The following CSMD1 variants were observed in gnomAD, a reference collection of about 807,000 sequenced individuals.
The protein encoded by CSMD1 is CUB and Sushi multiple domains 1, also known as CUB and sushi domain-containing protein 1.
A neutral mutation model predicts 417.5 loss-of-function variants in CSMD1; 213 were observed. The observed-to-expected ratio is 0.51, with a 90% CI of 0.46 to 0.57. The LOEUF (loss-of-function observed/expected upper bound fraction) is 0.57. Among genes scored for constraint, CSMD1 ranks in the 20% least tolerant of loss-of-function variants. CSMD1 has a pLI of 0.00. For synonymous variants in CSMD1, 2,862 were observed against 1,736.8 expected (o/e 1.65, Z -16.11); for missense variants, 6,923 against 4,529.7 (o/e 1.53, Z -15.17).
At chr8:3,215,448 T>C (rs1468319800) in intron 29 of CSMD1, among the ~76,000 whole-genome samples, 1 of 152,214 alleles carries the variant, frequency 6.6e-6, no homozygotes, top group African/African-American at 2.4e-5. Context: ...TCTTGTTTAA[T>C]TCTAATCTCC....
At chr8:3,125,492 T>A (rs1019151243) in intron 41 of CSMD1, among the ~76,000 whole-genome samples, 2 of 152,180 alleles carry the variant, frequency 1.3e-5, no homozygotes, top group African/African-American at 4.8e-5. Flanking sequence ...GAAAAAAAGA[T>A]CACTTCAGTG....
chr8:4,952,457 T>C (rs1808818023), intron 1 of CSMD1, among the ~76,000 whole-genome samples: 1 of 152,090 alleles, frequency 6.6e-6, no homozygotes, highest in Admixed American at 6.6e-5. Flanking sequence ...TTCAATTACC[T>C]ATGTCTAAAA....
chr8:3,906,999 G>C (rs1386371306), intron 5 of CSMD1, among the ~76,000 whole-genome samples: 1 of 152,162 alleles, frequency 6.6e-6, no homozygotes. Context: ...TTGTAAGAAG[G>C]TCTTCATATT....
At position 4,739,760 on chromosome 8, in the gene CSMD1, A is replaced by T. The variant is rs374949389; in HGVS notation, c.86-102202T>A. Among the ~76,000 whole-genome samples the T allele has an allele frequency of 3.3e-5, 5 of 152,156 alleles. No homozygotes were observed. In the East Asian group the frequency reaches 7.8e-4, roughly 24 times the overall value. On this transcript the variant is annotated intron_variant, in intron 1 of 69. Transcript: ENST00000635120. Reference sequence around the variant, plus strand: ...TTGCTCCCTATCCCTTCCCACAAAGATTCTCCAGTCCCTCTCTTTGGAGTC... The same window carrying T: ...TTGCTCCCTATCCCTTCCCACAAAGTTTCTCCAGTCCCTCTCTTTGGAGTC...
At chr8:3,692,153 T>C (rs531326087) in intron 7 of CSMD1, among the ~76,000 whole-genome samples, 11 of 152,322 alleles carry the variant, frequency 7.2e-5, no homozygotes, top group African/African-American at 2.2e-4. Context: ...CAGCCGCTAA[T>C]GACCATGGCC....
intron 2 of CSMD1, among the ~76,000 whole-genome samples, chr8:4,531,848 T>C (rs551247587): frequency 5.3e-5 from 8 of 152,280 alleles, no homozygotes; most frequent in South Asian, 2.1e-4. Context: ...TGAAAAGAAA[T>C]CCTGCACCGC....
intron 4 of CSMD1, among the ~76,000 whole-genome samples, chr8:4,016,755 C>T (rs1796542156): frequency 6.6e-6 from 1 of 152,184 alleles, no homozygotes; most frequent in South Asian, 2.1e-4. Context: ...GGGTTAAGGG[C>T]TCTGTTGACC....
At chr8:3,479,050 T>C (rs1215384672) in intron 11 of CSMD1, among the ~76,000 whole-genome samples, 1 of 151,938 alleles carries the variant, frequency 6.6e-6, no homozygotes, top group East Asian at 2.0e-4. Context: ...GGGAAATCCT[T>C]CTGCCCCCTC....
At chr8:3,652,370 T>A (rs1418450146) in intron 7 of CSMD1, among the ~76,000 whole-genome samples, 3 of 152,226 alleles carry the variant, frequency 2.0e-5, no homozygotes, top group Non-Finnish European at 4.4e-5. Flanking sequence ...CTTACCACCA[T>A]CAGAGCGCTT....
chr8:4,724,639 G>C (rs1166122977), intron 1 of CSMD1, among the ~76,000 whole-genome samples: 3 of 151,722 alleles, frequency 2.0e-5, no homozygotes, highest in Non-Finnish European at 4.4e-5. Flanking sequence ...AAAAATAAAT[G>C]TAAGTTTCAC....
intron 26 of CSMD1, among the ~76,000 whole-genome samples, chr8:3,252,362 A>T (rs558309971): frequency 6.6e-6 from 1 of 152,162 alleles, no homozygotes; most frequent in Non-Finnish European, 1.5e-5. Context: ...GCTGGATTAC[A>T]TTTATTGATT....
chr8:4,069,585 T>G (rs751767329), intron 3 of CSMD1, among the ~76,000 whole-genome samples: 9 of 152,226 alleles, frequency 5.9e-5, no homozygotes, highest in Non-Finnish European at 1.2e-4. Context: ...AGATGTATCT[T>G]GGGCCAGTGG....
chr8:3,682,537 AAAC>A (rs1265562867), intron 7 of CSMD1, among the ~76,000 whole-genome samples: 7 of 152,312 alleles, frequency 4.6e-5, no homozygotes, highest in African/African-American at 1.4e-4. Context: ...AAAAGTCAGG[AAAC>A]AACAGGTGCT....
chr8:3,770,733 C>A (rs1265959810), intron 5 of CSMD1, among the ~76,000 whole-genome samples: 1 of 152,062 alleles, frequency 6.6e-6, no homozygotes, highest in African/African-American at 2.4e-5. Context: ...AGCTCTCTTT[C>A]CCTTCCATTG....
intron 3 of CSMD1, among the ~76,000 whole-genome samples, chr8:4,206,388 C>T (rs1229406184): frequency 6.6e-6 from 1 of 152,054 alleles, no homozygotes; most frequent in South Asian, 2.1e-4. Context: ...TATTCCCCAC[C>T]CTGTCTCCAA....
In CSMD1 at chr8:3,412,015, C is replaced by CGT. The variant is rs757454248; in HGVS notation, c.1562-2411_1562-2410insAC. Among the ~76,000 whole-genome samples, 14 of 4,404 alleles carry CGT rather than the reference C, an allele frequency of 3.2e-3. 4 individuals carry two copies. The highest frequency in any genetic ancestry group is 0.011 in the South Asian group (1 of 88). The allele number at this position is 4,404 out of a possible 152,430, so 2.9% of individuals were successfully genotyped here. A position where few individuals can be genotyped will look rare whatever the true frequency, so the allele number is the denominator to read the frequency against. Reference sequence around the variant, plus strand: ...ACGTGTATATACACGTATATATATACATATACACACGTATATATACACATA... The same window carrying CGT: ...ACGTGTATATACACGTATATATATACGTATATACACACGTATATATACACATA... On this transcript the variant is annotated intron_variant, in intron 12 of 69. Transcript: ENST00000635120.
chr8:3,884,304 A>C (rs891094042), intron 5 of CSMD1, among the ~76,000 whole-genome samples: 9 of 152,184 alleles, frequency 5.9e-5, no homozygotes, highest in African/African-American at 1.7e-4. Flanking sequence ...TTGTTATATA[A>C]AACATTATAT....
intron 6 of CSMD1, among the ~76,000 whole-genome samples, chr8:3,733,195 ACACACACACACTCT>A (rs1351263610): frequency 3.4e-5 from 5 of 147,448 alleles, no homozygotes; most frequent in Non-Finnish European, 5.9e-5. Context: ...ACACACACAC[ACACACACACACTCT>A]CTCTCTCTCA....
intron 5 of CSMD1, among the ~76,000 whole-genome samples, chr8:3,847,202 C>G (rs1176846985): frequency 6.6e-6 from 1 of 152,064 alleles, no homozygotes; most frequent in Non-Finnish European, 1.5e-5. Flanking sequence ...GTCACTCTTA[C>G]CATTATGTTA....
Sources: gnomAD v4.1 joint callset for allele counts (sites outside exome capture counted in the v4.1 genomes callset) on GRCh38, gnomAD v4.1.1 for gene constraint, MANE v1.5 for transcripts, NCBI Gene and HGNC (gene_info 2026-07-23, HGNC 2026-07-21) for gene names.